RPTOR: variants seen among roughly 807,000 people sequenced by gnomAD.
RPTOR encodes the protein regulatory-associated protein of mTOR.
Under a neutral mutation model 169.9 loss-of-function variants are expected in RPTOR, and 21 were observed. The ratio of observed to expected loss-of-function variants is 0.12; its 90% CI spans 0.09 to 0.18. The LOEUF (loss-of-function observed/expected upper bound fraction) is 0.18, where lower values mean the gene tolerates loss of function less well. Among genes scored for constraint, RPTOR ranks in the 10% least tolerant of loss-of-function variants. The pLI is 1.00. For synonymous variants in RPTOR, 732 were observed against 753.2 expected, an observed-to-expected ratio of 0.97 and a Z score of 0.46; for missense variants, 1,133 against 1,855.9, an observed-to-expected ratio of 0.61 and a Z score of 7.16.
At chr17:80,962,283 G>A (rs1158884348) in intron 31 of RPTOR, among the ~76,000 whole-genome samples, 178 bp from the exon 32 acceptor site, 1 of 152,224 alleles carries the variant, frequency 6.6e-6, no homozygotes, top group Non-Finnish European at 1.5e-5. Flanking sequence ...ATGGGTGCAT[G>A]TCTGGGCCCC....
chr17:80,900,227 G>T (rs774385144), intron 20 of RPTOR, among the ~76,000 whole-genome samples: 1 of 151,984 alleles, frequency 6.6e-6, no homozygotes, highest in African/African-American at 2.4e-5. Flanking sequence ...TCCCCGCCTC[G>T]CAGCCACCTG....
At chr17:80,586,474 C>A (rs1429496857) in intron 1 of RPTOR, among the ~76,000 whole-genome samples, 1 of 152,232 alleles carries the variant, frequency 6.6e-6, no homozygotes, top group Non-Finnish European at 1.5e-5. Flanking sequence ...GTTTCTGTTT[C>A]AAAAAAGTAA....
At chr17:80,604,388 C>T (rs1409828381) in intron 1 of RPTOR, among the ~76,000 whole-genome samples, 1 of 152,188 alleles carries the variant, frequency 6.6e-6, no homozygotes, top group Non-Finnish European at 1.5e-5. Flanking sequence ...TATAAAATAT[C>T]TTTGCATTAC....
intron 20 of RPTOR, among the ~76,000 whole-genome samples, chr17:80,906,944 G>A (rs2068551227): frequency 6.6e-6 from 1 of 152,196 alleles, no homozygotes; most frequent in African/African-American, 2.4e-5. Context: ...GGTAGACACT[G>A]GCCCGCCATA....
chr17:80,850,770 T>C (rs1231990836), intron 11 of RPTOR, among the ~76,000 whole-genome samples: 2 of 152,184 alleles, frequency 1.3e-5, no homozygotes, highest in African/African-American at 2.4e-5. Flanking sequence ...ATACATACCA[T>C]GTACATCGGG....
intron 4 of RPTOR, among the ~76,000 whole-genome samples, chr17:80,714,602 A>G (rs1280687889): frequency 6.6e-6 from 1 of 152,230 alleles, no homozygotes; most frequent in Non-Finnish European, 1.5e-5. Flanking sequence ...AAATAATTCA[A>G]ACCTAAAGAT....
chr17:80,900,073 C>T (rs2068455973), intron 20 of RPTOR, among the ~76,000 whole-genome samples: 1 of 152,170 alleles, frequency 6.6e-6, no homozygotes, highest in African/African-American at 2.4e-5. Context: ...GGGCATCTCC[C>T]ACCCCTCCCT....
chr17:80,796,544 C>G (rs181779117), intron 7 of RPTOR, among the ~76,000 whole-genome samples: 23 of 152,188 alleles, frequency 1.5e-4, no homozygotes, highest in African/African-American at 4.6e-4. Context: ...CTCACTATCA[C>G]GAGAACAGCC....
intron 24 of RPTOR, among the ~76,000 whole-genome samples, chr17:80,930,320 G>GCTCAGCTCATC (rs1567993570): frequency 3.1e-4 from 9 of 29,400 alleles, no homozygotes; most frequent in East Asian, 5.0e-3. Context: ...CCCCAGCTCA[G>GCTCAGCTCATC]CTCAGCTCAT....
intron 20 of RPTOR, among the ~76,000 whole-genome samples, chr17:80,900,276 G>A (rs1015658319): frequency 2.6e-5 from 4 of 151,810 alleles, no homozygotes; most frequent in African/African-American, 7.3e-5. Flanking sequence ...GCTCTCTCCC[G>A]GGTCTCCCTG....
intron 20 of RPTOR, among the ~76,000 whole-genome samples, chr17:80,904,012 A>G (rs767250927): frequency 2.0e-5 from 3 of 152,260 alleles, no homozygotes; most frequent in Admixed American, 1.3e-4. Context: ...ACTAAAGGCC[A>G]TTATGATGTT....
At chr17:80,765,138 C>A (rs1253123875) in intron 6 of RPTOR, among the ~76,000 whole-genome samples, 1 of 149,050 alleles carries the variant, frequency 6.7e-6, no homozygotes, top group Non-Finnish European at 1.5e-5. Context: ...TACAGGCAGC[C>A]CTACGCTGTC....
At chr17:80,782,645 G>A (rs913787649) in intron 6 of RPTOR, among the ~76,000 whole-genome samples, 1 of 152,114 alleles carries the variant, frequency 6.6e-6, no homozygotes, top group African/African-American at 2.4e-5. Flanking sequence ...AGTCGTGGAA[G>A]CCCTGTACTG....
chr17:80,720,825 G>A (rs1048478115), intron 4 of RPTOR, among the ~76,000 whole-genome samples: 4 of 151,578 alleles, frequency 2.6e-5, no homozygotes, highest in African/African-American at 9.8e-5. Flanking sequence ...GCTTTCTTGG[G>A]TGTCCCACAA....
chr17:80,826,738 C>T (rs962045285), intron 9 of RPTOR, among the ~76,000 whole-genome samples: 2 of 152,236 alleles, frequency 1.3e-5, no homozygotes, highest in African/African-American at 4.8e-5. Flanking sequence ...AAGGGCAGGG[C>T]TCCTCCAGTG....
intron 14 of RPTOR, among the ~76,000 whole-genome samples, chr17:80,882,972 T>C (rs2068202319): frequency 6.6e-6 from 1 of 152,110 alleles, no homozygotes; most frequent in Non-Finnish European, 1.5e-5. Flanking sequence ...AGAATGAAAA[T>C]GAGTCACAGT....
At chr17:80,629,541 A>G (rs922907198) in intron 2 of RPTOR, among the ~76,000 whole-genome samples, 4 of 147,904 alleles carry the variant, frequency 2.7e-5, no homozygotes, top group African/African-American at 1.0e-4. Flanking sequence ...TCAGCTCTCT[A>G]TGTATTGTGT....
intron 24 of RPTOR, among the ~76,000 whole-genome samples, chr17:80,932,027 T>A (rs184028086): frequency 3.0e-4 from 45 of 152,214 alleles, no homozygotes; most frequent in African/African-American, 1.0e-3. Flanking sequence ...AATCCGAAGC[T>A]GGCCACATGC....
At chr17:80,923,702 G>A (rs1287554154) in intron 23 of RPTOR, 29 bp downstream of exon 23, 1 of 1,543,286 alleles carries the variant, frequency 6.5e-7, no homozygotes, top group Non-Finnish European at 8.8e-7. Context: ...CTGGTGATCT[G>A]GACACTGAGA....
Sources: allele counts gnomAD v4.1 joint callset (sites outside exome capture counted in the v4.1 genomes callset), GRCh38; gene constraint gnomAD v4.1.1; transcripts MANE v1.5; gene names NCBI Gene and HGNC (gene_info 2026-07-23, HGNC 2026-07-21).